RSBN1: variants seen among roughly 807,000 people sequenced by gnomAD.
RSBN1 encodes round spermatid basic protein 1.
In RSBN1, 23 loss-of-function variants were observed where a neutral mutation model predicts 74.8. The observed-to-expected ratio is 0.31, with a 90% CI of 0.22 to 0.44. RSBN1 has a LOEUF of 0.44. Among genes scored for constraint, RSBN1 ranks in the 20% least tolerant of loss-of-function variants. RSBN1 has a pLI of 1.00. For missense variants in RSBN1, 808 were observed against 1,020.9 expected (o/e 0.79, Z 2.84); for synonymous variants, 407 against 379.6 (o/e 1.07, Z -0.84).
chr1:113,797,266 G>T, intron 2 of RSBN1, 97 bp downstream of exon 2: 1 of 956,666 alleles, frequency 1.0e-6, no homozygotes, highest in Non-Finnish European at 1.5e-6. Context: ...CCATAAATTT[G>T]TTATCAAAAA....
At chr1:113,798,138 C>T in intron 1 of RSBN1, 102 bp from the exon 2 acceptor site, 1 of 987,382 alleles carries the variant, frequency 1.0e-6, no homozygotes, top group South Asian at 1.8e-5. Flanking sequence ...CTCAATTTCT[C>T]TGAATTTGCT....
chr1:113,764,860 G>T lies in RSBN1; in HGVS notation c.*1120C>A, dbSNP rs1020155013. 2 of 149,554 alleles carry T rather than the reference G, an allele frequency of 1.3e-5. No homozygotes were observed. The highest frequency in any genetic ancestry group is 6.7e-5 in the Admixed American group (1 of 14,894). The allele number at this position is 149,554 out of a possible 1,614,324, so 9.3% of individuals were successfully genotyped here. ...GGACCATACTAGCAATGTGAACTGT[G>T]CCTGTTTGAAAAGAAAATTTAAATA... On this transcript the variant is annotated 3_prime_UTR_variant, in exon 7 of 7. Transcript: ENST00000261441.
At chr1:113,810,657 C>T (rs1571314956) in intron 1 of RSBN1, among the ~76,000 whole-genome samples, 1 of 152,052 alleles carries the variant, frequency 6.6e-6, no homozygotes, top group Non-Finnish European at 1.5e-5. Context: ...AGACTCAATA[C>T]GTGGAAAGAA....
At position 113,812,320 on chromosome 1, in the gene RSBN1, T is replaced by C. The variant is rs3789604; in HGVS notation, c.93A>G (p.Arg31=). ...GCCCGACCGCCCCCCCGTCCGCGCA[T>C]CGCGCAAGCGCCGCCCGCGCACTGC... is the stretch of plus-strand genomic sequence containing the variant. ...PAGSARAALA[R]CADGGAVGPF... is the part of the protein sequence containing the mutation. Residue 31 remains arginine, a synonymous_variant, in exon 1 of 7, where the codon CGA becomes CGG. Coordinates refer to ENST00000261441, the MANE Select transcript of RSBN1 (RefSeq NM_018364.5). 5.0e-6 allele frequency: 8 copies of C among 1,603,770 alleles called. No individual in the cohort carries two copies. Among genetic ancestry groups the C allele is most frequent in the East Asian group, 2.2e-5 (1 of 44,834 alleles).
At chr1:113,787,254 A>C (rs1301984207) in intron 2 of RSBN1, among the ~76,000 whole-genome samples, 2 of 152,238 alleles carry the variant, frequency 1.3e-5, no homozygotes, top group Non-Finnish European at 1.5e-5. Context: ...GACTGGATGT[A>C]TGATTTTTTT....
intron 2 of RSBN1, among the ~76,000 whole-genome samples, chr1:113,794,686 A>C (rs978322100): frequency 6.6e-6 from 1 of 152,194 alleles, no homozygotes; most frequent in Non-Finnish European, 1.5e-5. Context: ...GAATTACCTC[A>C]AGTCTGCATT....
At chr1:113,773,746 T>C (rs1421026733) in intron 4 of RSBN1, among the ~76,000 whole-genome samples, 1 of 151,742 alleles carries the variant, frequency 6.6e-6, no homozygotes, top group African/African-American at 2.4e-5. Context: ...GGCTCACGCC[T>C]GTAATCCCAG....
intron 2 of RSBN1, among the ~76,000 whole-genome samples, chr1:113,794,030 G>A (rs890617901): frequency 3.9e-5 from 6 of 151,922 alleles, no homozygotes. Context: ...ATCTCAAACT[G>A]AGCTCATCAA....
intron 4 of RSBN1, among the ~76,000 whole-genome samples, chr1:113,768,885 T>C (rs1380195547): frequency 7.2e-6 from 1 of 138,814 alleles, no homozygotes. Context: ...TTCCTACAGA[T>C]AGAATTTCTT....
At chr1:113,798,080 T>C (rs760609044) in intron 1 of RSBN1, 44 bp from the exon 2 acceptor site, 2 of 1,512,876 alleles carry the variant, frequency 1.3e-6, no homozygotes, top group Admixed American at 2.1e-5. Flanking sequence ...AGGACTAGTG[T>C]CAACATACAA....
intron 2 of RSBN1, 112 bp downstream of exon 2, chr1:113,797,251 T>C (rs773236884): frequency 3.5e-6 from 3 of 865,292 alleles, no homozygotes; most frequent in Non-Finnish European, 3.5e-6. Flanking sequence ...GAAGCACCTT[T>C]ATTACCATAA....
At chr1:113,806,390 G>A (rs1186534398) in intron 1 of RSBN1, among the ~76,000 whole-genome samples, 1 of 151,334 alleles carries the variant, frequency 6.6e-6, no homozygotes, top group Non-Finnish European at 1.5e-5. Context: ...TGAAAAAAGT[G>A]CAAAAGCAAT....
chr1:113,804,907 T>TCAA (rs546914536), intron 1 of RSBN1, among the ~76,000 whole-genome samples: 1 of 131,470 alleles, frequency 7.6e-6, no homozygotes. Context: ...TGGTCAAGAG[T>TCAA]AAAAAAAAAA....
intron 2 of RSBN1, among the ~76,000 whole-genome samples, chr1:113,796,505 AT>A (rs774537937): frequency 7.3e-5 from 11 of 150,858 alleles, no homozygotes; most frequent in Admixed American, 1.3e-4. Flanking sequence ...ACCTAAAAAA[AT>A]ATATATATAT....
chr1:113,802,703 C>CA (rs1553242884), intron 1 of RSBN1, among the ~76,000 whole-genome samples: 1 of 143,900 alleles, frequency 6.9e-6, no homozygotes, highest in Non-Finnish European at 1.5e-5. Context: ...TAAGCCTTTA[C>CA]TTTTTTTTTT....
intron 1 of RSBN1, among the ~76,000 whole-genome samples, chr1:113,800,983 A>AT (rs773750604): frequency 3.5e-3 from 510 of 145,694 alleles, no homozygotes; most frequent in Middle Eastern, 7.1e-3. Flanking sequence ...CTGTTTTTCA[A>AT]TTTTTTTTTT....
Position 113,812,139 on chromosome 1 carries a change from T to C in RSBN1, c.274A>G (p.Ser92Gly). 2.5e-6 allele frequency: 4 copies of C among 1,609,636 alleles called. No individual in the cohort carries two copies. The highest frequency in any genetic ancestry group is 3.4e-6 in the Non-Finnish European group (4 of 1,179,692). Residue 92 changes from serine to glycine, a missense_variant, in exon 1 of 7, where the codon AGC becomes GGC. Coordinates refer to ENST00000261441, the MANE Select transcript of RSBN1 (RefSeq NM_018364.5). ...CGCTTCTCCTGAGACCCCCCACTGC[T>C]AGATCGGCGCTGCCGTTTAACTCCC... ...PRGVKRQRRS[S>G]SGGSQEKRGR... is the part of the protein sequence containing the mutation.
chr1:113,776,148 G>A (rs916661389), intron 4 of RSBN1, among the ~76,000 whole-genome samples: 4 of 152,176 alleles, frequency 2.6e-5, no homozygotes, highest in Non-Finnish European at 5.9e-5. Context: ...ATGAATTACT[G>A]AGGCTCGGTC....
chr1:113,810,539 C>G (rs1479035722), intron 1 of RSBN1, among the ~76,000 whole-genome samples: 1 of 152,024 alleles, frequency 6.6e-6, no homozygotes, highest in Non-Finnish European at 1.5e-5. Context: ...TTGGATGCCA[C>G]CAAATGAATA....
Sources: gnomAD v4.1 joint callset for allele counts (sites outside exome capture counted in the v4.1 genomes callset) on GRCh38, gnomAD v4.1.1 for gene constraint, MANE v1.5 for transcripts, NCBI Gene and HGNC (gene_info 2026-07-23, HGNC 2026-07-21) for gene names.